The following ENOSF1 variants were observed in gnomAD, a reference collection of about 807,000 sequenced individuals.
ENOSF1 encodes enolase superfamily member 1, also known as mitochondrial enolase superfamily member 1.
A neutral mutation model predicts 68.2 loss-of-function variants in ENOSF1; 73 were observed. The ratio of observed to expected loss-of-function variants is 1.07; its 90% CI spans 0.89 to 1.30. The LOEUF is 1.30. Ranked by LOEUF, ENOSF1 falls within the 50% of genes most tolerant of loss-of-function variation. ENOSF1 has a pLI of 0.00. For synonymous variants in ENOSF1, 223 were observed against 210.4 expected (o/e 1.06, Z -0.52); for missense variants, 589 against 554.5 (o/e 1.06, Z -0.62).
chr18:701,939 GATAA>G (rs142996189), intron 2 of ENOSF1, among the ~76,000 whole-genome samples: 41 of 148,170 alleles, frequency 2.8e-4, no homozygotes, highest in African/African-American at 8.0e-4. Flanking sequence ...TAAATACATA[GATAA>G]ATAAATAAAT....
At chr18:712,078 C>T (rs1202835298) in intron 1 of ENOSF1, among the ~76,000 whole-genome samples, 1 of 152,186 alleles carries the variant, frequency 6.6e-6, no homozygotes, top group Non-Finnish European at 1.5e-5. Context: ...CCAACAAAAT[C>T]ATTTTGCTGC....
At chr18:709,941 A>G (rs982109707) in intron 1 of ENOSF1, among the ~76,000 whole-genome samples, 9 of 152,176 alleles carry the variant, frequency 5.9e-5, no homozygotes, top group African/African-American at 1.7e-4. Context: ...GCTCATTCTA[A>G]TAAGAAGGCA....
chr18:679,301 C>A (rs756655848), intron 11 of ENOSF1, among the ~76,000 whole-genome samples: 1 of 151,720 alleles, frequency 6.6e-6, no homozygotes, highest in Non-Finnish European at 1.5e-5. Context: ...CCTCCACCCC[C>A]CAGGCTGAAG....
intron 2 of ENOSF1, among the ~76,000 whole-genome samples, chr18:706,162 T>G (rs796604888): frequency 6.6e-6 from 1 of 151,956 alleles, no homozygotes; most frequent in Non-Finnish European, 1.5e-5. Flanking sequence ...TGGCCCCGGG[T>G]GAAAGGCAGG....
At chr18:693,460 C>T in intron 5 of ENOSF1, 6 of 985,020 alleles carry the variant, frequency 6.1e-6, no homozygotes, top group Non-Finnish European at 7.2e-6. Context: ...CAGGCTTGAG[C>T]CACCATGCCT....
intron 2 of ENOSF1, among the ~76,000 whole-genome samples, chr18:705,525 T>C (rs916066412): frequency 4.6e-5 from 7 of 152,130 alleles, no homozygotes; most frequent in Non-Finnish European, 1.5e-5. Flanking sequence ...CATCCAGCTC[T>C]GAAAAAAGTT....
chr18:670,638 G>GAC lies in ENOSF1; in HGVS notation c.*3666_*3667insGT. On this transcript the variant is annotated 3_prime_UTR_variant, in exon 16 of 16. Transcript: ENST00000647584. ...TCTCTCCTGTTTTACTTTGCCTTTA[G>GAC]CTGTGGTCTTTCAAACCACCATCCC... 1 of 1,591,056 alleles carries GAC rather than the reference G, an allele frequency of 6.3e-7. No homozygotes were observed. Among genetic ancestry groups the GAC allele is most frequent in the Non-Finnish European group, 8.6e-7 (1 of 1,164,532 alleles).
chr18:669,432 G>A, downstream of ENOSF1: 1 of 334,264 alleles, frequency 3.0e-6, no homozygotes. Context: ...GAATGCAACG[G>A]CGTGATCTTG....
chr18:683,214 A>C (rs1296130337), intron 11 of ENOSF1, 32 bp downstream of exon 11: 2 of 1,611,826 alleles, frequency 1.2e-6, no homozygotes, highest in Non-Finnish European at 1.7e-6. Context: ...CAGAAAAATA[A>C]GCTGCCACAG....
chr18:709,388 C>A (rs990027553), intron 1 of ENOSF1, among the ~76,000 whole-genome samples: 1 of 152,128 alleles, frequency 6.6e-6, no homozygotes, highest in Admixed American at 6.5e-5. Flanking sequence ...CAGCCGACAG[C>A]GGAAAACGTA....
chr18:664,087 A>T, the ENOSF1 span, among the ~76,000 whole-genome samples: 1 of 146,820 alleles, frequency 6.8e-6, no homozygotes, highest in Non-Finnish European at 1.5e-5. Flanking sequence ...GATGGCATTG[A>T]ATCTATAAAT....
At chr18:675,493 C>A in intron 14 of ENOSF1, 91 bp from the exon 15 acceptor site, 1 of 1,109,520 alleles carries the variant, frequency 9.0e-7, no homozygotes, top group South Asian at 1.3e-5. Context: ...GAGTACCACT[C>A]AATTGACAGT....
At position 691,076 on chromosome 18, in the gene ENOSF1, T is replaced by C. The variant is rs2077109454; in HGVS notation, c.527A>G (p.Lys176Arg). The C allele has an allele frequency of 6.2e-7, 1 of 1,614,210 alleles. No homozygotes were observed. Among genetic ancestry groups the C allele is most frequent in the African/African-American group, 1.3e-5 (1 of 75,068 alleles). ...EILQKGQIGK[K>R]EREKQMLAQG... ...ATTTTCTTACAACCCACCTCTTTCT[T>C]TTTTACCAATTTGACCTTTCTGCAG... Residue 176 changes from lysine to arginine, a missense_variant, in exon 7 of 16, where the codon AAA becomes AGA. By Grantham distance (26) the Lys-to-Arg change is conservative. Transcript: ENST00000647584.
chr18:690,459 G>C, intron 8 of ENOSF1, 90 bp downstream of exon 8: 2 of 1,392,516 alleles, frequency 1.4e-6, no homozygotes, highest in South Asian at 1.2e-5. Flanking sequence ...TCAGAAGTGA[G>C]GTACTGAGAG....
downstream of ENOSF1, among the ~76,000 whole-genome samples, chr18:666,943 GGT>G (rs1254775179): frequency 2.8e-4 from 10 of 35,490 alleles, 1 homozygote; most frequent in South Asian, 1.2e-3. Context: ...TGATGGAGAT[GGT>G]GATGGTGATG....
At chr18:675,296 CA>C (rs750861350) in intron 15 of ENOSF1, 24 bp downstream of exon 15, 4 of 1,589,852 alleles carry the variant, frequency 2.5e-6, no homozygotes, top group Non-Finnish European at 3.4e-6. Flanking sequence ...ATCTCTTCTA[CA>C]GGGGCCCTCA....
chr18:692,606 A>G (rs2077300560), intron 5 of ENOSF1: 1 of 745,434 alleles, frequency 1.3e-6, no homozygotes, highest in South Asian at 6.0e-5. Context: ...TAAAAAAAAA[A>G]AAAAGAAAGA....
intron 2 of ENOSF1, among the ~76,000 whole-genome samples, chr18:701,756 C>A (rs376095766): frequency 2.9e-4 from 40 of 136,942 alleles, no homozygotes; most frequent in Admixed American, 4.4e-4. Context: ...GACTCCATCT[C>A]AAAAAAAAAA....
At chr18:711,552 A>C (rs923732398) in intron 1 of ENOSF1, among the ~76,000 whole-genome samples, 3 of 152,158 alleles carry the variant, frequency 2.0e-5, no homozygotes, top group African/African-American at 7.2e-5. Flanking sequence ...TCATCAGTGG[A>C]CTACGAGGGG....
Sources: gnomAD v4.1 joint callset for allele counts (sites outside exome capture counted in the v4.1 genomes callset) on GRCh38, gnomAD v4.1.1 for gene constraint, MANE v1.5 for transcripts, NCBI Gene and HGNC (gene_info 2026-07-23, HGNC 2026-07-21) for gene names.